Variants in FBP1 observed in about 807,000 individuals in gnomAD.
The protein encoded by FBP1 is fructose-bisphosphatase 1.
Under a neutral mutation model 29.9 loss-of-function variants are expected in FBP1, and 22 were observed. The ratio of observed to expected loss-of-function variants is 0.74; its 90% CI spans 0.53 to 1.05. The LOEUF is 1.05. Among genes scored for constraint, FBP1 ranks in the 50% least tolerant of loss-of-function variants. The pLI, the probability that FBP1 is intolerant of heterozygous loss-of-function variation, is 0.00. For synonymous variants in FBP1, 175 were observed against 178.6 expected (o/e 0.98, Z 0.16); for missense variants, 345 against 448.2 (o/e 0.77, Z 2.08).
At chr9:94,632,615 C>G (rs985163637) in intron 1 of FBP1, among the ~76,000 whole-genome samples, 3 of 144,836 alleles carry the variant, frequency 2.1e-5, no homozygotes, top group Non-Finnish European at 4.4e-5. Flanking sequence ...TTGCAGTGAA[C>G]CGAGATCACA....
In FBP1 at chr9:94,606,812, T is replaced by C; in HGVS notation, c.705+3A>G. The C allele has an allele frequency of 6.2e-7, 1 of 1,613,450 alleles. No homozygotes were observed. Among genetic ancestry groups the C allele is most frequent in the South Asian group, 1.1e-5 (1 of 91,028 alleles). On this transcript the variant is annotated splice_donor_region_variant and intron_variant, in intron 5 of 6. Transcript: ENST00000375326. ...GCACCACCCTCCCCGGGCCCTCACT[T>C]ACTGGGGGGAACTTCTTCCTCTGGA...
chr9:94,639,770 G>A (rs1384371748), upstream of FBP1, among the ~76,000 whole-genome samples: 3 of 151,584 alleles, frequency 2.0e-5, no homozygotes, highest in East Asian at 5.9e-4. Context: ...ACTGTGGAGC[G>A]GGACTCGGGC....
In FBP1 at chr9:94,639,348, C is replaced by T. The variant is rs755324351; in HGVS notation, c.-38G>A. On this transcript the variant is annotated 5_prime_UTR_variant, in exon 1 of 7. Transcript: ENST00000375326. ...TAGAGCGCGGGGCTGCAGGTGCAAG[C>T]GGCAGGTGCGGGGCTGCAGGTGCGG... 6 of 1,584,248 alleles carry T rather than the reference C, an allele frequency of 3.8e-6. No individual in the cohort carries two copies. The highest frequency in any genetic ancestry group is 1.3e-5 in the African/African-American group (1 of 74,272).
chr9:94,605,320 A>G (rs1015476877), intron 6 of FBP1, 137 bp downstream of exon 6: 232 of 876,738 alleles, frequency 2.6e-4, no homozygotes, highest in Middle Eastern at 1.7e-3. Context: ...TTAATCCACA[A>G]AAGAATATGC....
intron 3 of FBP1, among the ~76,000 whole-genome samples, chr9:94,611,628 A>G (rs909776978): frequency 2.0e-5 from 3 of 152,174 alleles, no homozygotes; most frequent in Non-Finnish European, 2.9e-5. Flanking sequence ...GCATGGTGGC[A>G]TGTGCCTGTG....
intron 1 of FBP1, among the ~76,000 whole-genome samples, chr9:94,626,582 G>C (rs1828029297): frequency 6.6e-6 from 1 of 152,094 alleles, no homozygotes; most frequent in South Asian, 2.1e-4. Context: ...CCCTAAGAAG[G>C]GCTTGAGATT....
At chr9:94,621,146 G>A (rs553952803) in intron 1 of FBP1, among the ~76,000 whole-genome samples, 6 of 150,324 alleles carry the variant, frequency 4.0e-5, no homozygotes, top group East Asian at 2.0e-4. Context: ...CCCAGGAGGC[G>A]GAGCTTGCAG....
rs552737870 is a variant in FBP1, at chr9:94,636,815, A to G, written c.170+2326T>C. The stretch of plus-strand genomic sequence containing the variant: ...GCAATTCTCCTGCCTCAGCCTCCCA[A>G]GTAGCTGGGATTACAGGCGCCTGCC... On this transcript the variant is annotated intron_variant, in intron 1 of 6. Coordinates refer to ENST00000375326, the MANE Select transcript of FBP1 (RefSeq NM_000507.4). 8.9e-4 allele frequency among the ~76,000 whole-genome samples: 135 copies of G among 151,962 alleles called. 1 individual carries two copies. The highest frequency in any genetic ancestry group is 1.5e-3 in the Non-Finnish European group (104 of 67,958).
At chr9:94,630,524 G>A (rs1014387918) in intron 1 of FBP1, among the ~76,000 whole-genome samples, 2 of 152,172 alleles carry the variant, frequency 1.3e-5, no homozygotes, top group African/African-American at 4.8e-5. Flanking sequence ...TCAGCAGCCG[G>A]GGAAAGTCAC....
intron 1 of FBP1, among the ~76,000 whole-genome samples, chr9:94,629,039 T>C (rs1420725364): frequency 6.6e-6 from 1 of 152,230 alleles, no homozygotes; most frequent in African/African-American, 2.4e-5. Flanking sequence ...TGGAGTGCAA[T>C]GGCGAGATCT....
chr9:94,630,075 A>G (rs1056477219), intron 1 of FBP1, among the ~76,000 whole-genome samples: 4 of 152,196 alleles, frequency 2.6e-5, no homozygotes, highest in Non-Finnish European at 5.9e-5. Context: ...TCTTACATAA[A>G]CATGGCACAT....
intron 3 of FBP1, among the ~76,000 whole-genome samples, chr9:94,612,351 G>A (rs1183033604): frequency 6.6e-6 from 1 of 152,066 alleles, no homozygotes. Context: ...AACCATCCGT[G>A]CCGGCCTGTG....
At chr9:94,620,216 G>T in intron 2 of FBP1, 113 bp downstream of exon 2, 2 of 1,031,230 alleles carry the variant, frequency 1.9e-6, no homozygotes, top group Non-Finnish European at 3.0e-6. Flanking sequence ...ACCACAGCAG[G>T]GATCTAGAGG....
At chr9:94,604,373 G>A (rs963455981) in intron 6 of FBP1, among the ~76,000 whole-genome samples, 18 of 151,794 alleles carry the variant, frequency 1.2e-4, no homozygotes, top group Non-Finnish European at 1.5e-5. Flanking sequence ...GATGGTTTCA[G>A]TAAATAGAAA....
At chr9:94,616,108 G>A (rs1172218501) in intron 3 of FBP1, among the ~76,000 whole-genome samples, 4 of 152,078 alleles carry the variant, frequency 2.6e-5, no homozygotes, top group Non-Finnish European at 4.4e-5. Context: ...GATTACAGGC[G>A]TGAGCCATCT....
At chr9:94,639,570 C>A, upstream of FBP1, 1 of 577,992 alleles carries the variant, frequency 1.7e-6, no homozygotes, top group African/African-American at 1.9e-5. Flanking sequence ...GGTCGGCCCC[C>A]CGCCCCCGGG....
In FBP1 at chr9:94,620,672, C is replaced by A. The variant is rs534630115; in HGVS notation, c.171-181G>T. 5.3e-5 allele frequency among the ~76,000 whole-genome samples: 8 copies of A among 152,232 alleles called. No homozygotes were observed. In the South Asian group the frequency reaches 1.5e-3, roughly 28 times the overall value. On this transcript the variant is annotated intron_variant, in intron 1 of 6. Transcript: ENST00000375326. ...GCAAACTAATACAGGAACAGAAAAC[C>A]AAACACCACATGTTCTCACTCATAA...
upstream of FBP1, chr9:94,640,143 TCGCCC>T (rs1828263990): frequency 6.6e-6 from 1 of 152,194 alleles, no homozygotes; most frequent in East Asian, 1.9e-4. Flanking sequence ...GATGTGAGTC[TCGCCC>T]GGAAGTTTCC....
chr9:94,605,676 G>A, intron 5 of FBP1, 100 bp from the exon 6 acceptor site: 2 of 1,170,836 alleles, frequency 1.7e-6, no homozygotes, highest in Middle Eastern at 3.8e-4. Context: ...CATTCACCGA[G>A]CACCTACAAG....
Sources: gnomAD v4.1 joint callset for allele counts (sites outside exome capture counted in the v4.1 genomes callset) on GRCh38, gnomAD v4.1.1 for gene constraint, MANE v1.5 for transcripts, NCBI Gene and HGNC (gene_info 2026-07-23, HGNC 2026-07-21) for gene names.